OLAH: variants seen among roughly 807,000 people sequenced by gnomAD.
OLAH encodes S-acyl fatty acid synthase thioesterase, medium chain.
Under a neutral mutation model 27.8 loss-of-function variants are expected in OLAH, and 33 were observed. The observed-to-expected ratio is 1.19, with a 90% CI of 0.90 to 1.59. The LOEUF is 1.59. Among genes scored for constraint, OLAH ranks in the 40% most tolerant of loss-of-function variants. The probability of loss-of-function intolerance (pLI) is 0.00; values close to 1 mark genes in which losing one functional copy is unlikely to be tolerated. For missense variants in OLAH, 359 were observed against 310.8 expected (o/e 1.16, Z -1.17); for synonymous variants, 120 against 102.9 (o/e 1.17, Z -1.01).
chr10:15,058,937 T>TC (rs1844300292), intron 3 of OLAH, among the ~76,000 whole-genome samples: 4 of 116,388 alleles, frequency 3.4e-5, no homozygotes, highest in Admixed American at 8.6e-5. Context: ...CCTCCTTCCC[T>TC]CTCTCCTTCC....
rs550637913 is a variant in OLAH, at chr10:15,049,269, G to A, written c.33-366G>A. Among the ~76,000 whole-genome samples, 3 of 152,052 alleles carry A rather than the reference G, an allele frequency of 2.0e-5. No individual in the cohort carries two copies. In the East Asian group the frequency reaches 5.8e-4, roughly 30 times the overall value. On this transcript the variant is annotated intron_variant, in intron 2 of 7. Transcript: ENST00000378228. ...CTGCCTCTGCCTCCCAAGTAGCTAG[G>A]ATCATAGGTGTGTACCACTATGCCA...
rs1346072659 is a variant in OLAH at position 15,071,826 on chromosome 10, T to C, written c.604T>C (p.Cys202Arg). 1.9e-6 allele frequency: 3 copies of C among 1,613,612 alleles called. No individual in the cohort carries two copies. Among genetic ancestry groups the C allele is most frequent in the Non-Finnish European group, 8.5e-7 (1 of 1,179,590 alleles). The change falls in exon 7 of 8, where the codon TGT becomes CGT. Residue 202 changes from cysteine to arginine, a missense_variant. Transcript: ENST00000378228. Reference protein sequence around the residue: ...SNVPSKAVLSCDLTCFVGSED... With the variant: ...SNVPSKAVLSRDLTCFVGSED... Reference sequence around the variant, plus strand: ...CGTACCATCTAAGGCTGTTCTTTCCTGTGACTTGACATGTTTTGTTGGATC... The same window carrying C: ...CGTACCATCTAAGGCTGTTCTTTCCCGTGACTTGACATGTTTTGTTGGATC...
In OLAH at chr10:15,071,451, G is replaced by T. The variant is rs912786125; in HGVS notation, c.573-344G>T. The T allele has an allele frequency of 8.9e-6, 8 of 901,938 alleles. No individual in the cohort carries two copies. The South Asian group carries it at 2.5e-4, about 29-fold the overall frequency. 55.9% of individuals were successfully genotyped at this position (901,938 alleles called of 1,614,324 possible). A position where few individuals can be genotyped will look rare whatever the true frequency, so the allele number is the denominator to read the frequency against. ...GAGGTTCTGTGCAGAGCAACCCTCT[G>T]CTGGGCCAAGGAGAGCTAAGAGTTA... On this transcript the variant is annotated intron_variant, in intron 6 of 7. Transcript: ENST00000378228.
In OLAH at chr10:15,065,643, T is replaced by C. The variant is rs760214710; in HGVS notation, c.462T>C (p.His154=). 2.4e-5 allele frequency: 39 copies of C among 1,613,838 alleles called. No individual in the cohort carries two copies. The highest frequency in any genetic ancestry group is 1.0e-4 in the Admixed American group (6 of 59,930). ...AATTGTCAGAAGAACAAATAAGTCA[T>C]TACCTTATGGAATTTGGAGGCACCC... ...DDELSEEQIS[H]YLMEFGGTPK... Residue 154 remains histidine, a synonymous_variant, in exon 6 of 8, where the codon CAT becomes CAC. Transcript: ENST00000378228.
At chr10:15,050,679 T>C (rs2131348336) in intron 3 of OLAH, among the ~76,000 whole-genome samples, 1 of 151,852 alleles carries the variant, frequency 6.6e-6, no homozygotes, top group East Asian at 2.0e-4. Context: ...TAGCTGGAAC[T>C]ACAGGCGCCT....
intron 6 of OLAH, among the ~76,000 whole-genome samples, chr10:15,069,172 C>G (rs535184228): frequency 1.3e-5 from 2 of 152,270 alleles, no homozygotes; most frequent in African/African-American, 4.8e-5. Context: ...GTGAGTGGGG[C>G]TTTCTCAGCA....
At chr10:15,056,507 A>G (rs543907546) in intron 3 of OLAH, among the ~76,000 whole-genome samples, 129 of 152,302 alleles carry the variant, frequency 8.5e-4, no homozygotes, top group African/African-American at 3.1e-3. Context: ...CTAACTTTAC[A>G]TTGATTAACC....
intron 5 of OLAH, 116 bp downstream of exon 5, chr10:15,064,618 G>T: frequency 1.6e-6 from 1 of 607,244 alleles, no homozygotes; most frequent in Non-Finnish European, 2.8e-6. Context: ...ATGATGGTGG[G>T]GATACTAATA....
chr10:15,049,771 T>G lies in OLAH; in HGVS notation c.163+6T>G. 2 of 1,600,908 alleles carry G rather than the reference T, an allele frequency of 1.2e-6. No homozygotes were observed. Among genetic ancestry groups the G allele is most frequent in the South Asian group, 2.3e-5 (2 of 87,462 alleles). The stretch of plus-strand genomic sequence containing the variant: ...TACTCATGATTTGCTGGAAGGTATG[T>G]TAATTTTTAACATCATTTAAGCAAT... On this transcript the variant is annotated splice_donor_region_variant and intron_variant, in intron 3 of 7. Transcript: ENST00000378228.
At chr10:15,061,436 CA>C (rs1177870310) in intron 3 of OLAH, among the ~76,000 whole-genome samples, 2 of 151,846 alleles carry the variant, frequency 1.3e-5, no homozygotes, top group African/African-American at 2.4e-5. Context: ...TTGGGGTAAG[CA>C]TTTCATCAGC....
chr10:15,033,256 T>A (rs1843787621), intron 1 of OLAH, among the ~76,000 whole-genome samples: 2 of 152,168 alleles, frequency 1.3e-5, no homozygotes, highest in Admixed American at 6.5e-5. Context: ...TAGAAATCCA[T>A]GGTTCCCTAA....
intron 3 of OLAH, among the ~76,000 whole-genome samples, chr10:15,058,206 C>T (rs189586001): frequency 6.6e-6 from 1 of 152,130 alleles, no homozygotes; most frequent in East Asian, 1.9e-4. Flanking sequence ...CCTGCTTCAG[C>T]TTCTTGAGTA....
At chr10:15,066,606 TTTA>T (rs1844472722) in intron 6 of OLAH, among the ~76,000 whole-genome samples, 1 of 8,680 alleles carries the variant, frequency 1.2e-4, no homozygotes, top group African/African-American at 8.9e-4. Context: ...CTATTTTTAT[TTTA>T]TTTATTTATT....
intron 1 of OLAH, among the ~76,000 whole-genome samples, chr10:15,044,231 G>T (rs957251845): frequency 5.7e-4 from 87 of 151,856 alleles, no homozygotes; most frequent in African/African-American, 2.0e-3. Flanking sequence ...CCTTTTCTCA[G>T]TTCTCTTTTT....
upstream of OLAH, among the ~76,000 whole-genome samples, chr10:15,042,643 T>C (rs1843939948): frequency 6.6e-6 from 1 of 152,168 alleles, no homozygotes; most frequent in Non-Finnish European, 1.5e-5. Context: ...TCATACTTGC[T>C]TCCTCCCTCT....
chr10:15,054,009 C>T (rs565746551), intron 3 of OLAH, among the ~76,000 whole-genome samples: 3 of 150,534 alleles, frequency 2.0e-5, no homozygotes, highest in Admixed American at 2.0e-4. Flanking sequence ...GGATTATAGG[C>T]GTGAGCCACA....
chr10:15,066,240 CAA>C lies in OLAH; in HGVS notation c.572+503_572+504del, dbSNP rs201236007. On this transcript the variant is annotated intron_variant, in intron 6 of 7. Transcript: ENST00000378228. ...TGGCCAACAGAGTGAGACTCCATCTCAAAAAAAAAAAAAAAAAGTCTAGCATG... is the reference window on the plus strand; with the variant it reads ...TGGCCAACAGAGTGAGACTCCATCTCAAAAAAAAAAAAAAAGTCTAGCATG... Among the ~76,000 whole-genome samples, 525 of 92,818 alleles carry C rather than the reference CAA, an allele frequency of 5.7e-3. 1 individual carries two copies. The highest frequency in any genetic ancestry group is 0.016 in the African/African-American group (428 of 27,478). 60.9% of individuals were successfully genotyped at this position (92,818 alleles called of 152,430 possible).
In OLAH at chr10:15,047,127, G is replaced by T; in HGVS notation, c.-162G>T. ...TCTGACCTTCTTTATTTTTAACAGG[G>T]ATTGGAGAGGTCAATAAGAGTCAGC... On this transcript the variant is annotated splice_region_variant and 5_prime_UTR_variant, in exon 2 of 8. Coordinates refer to ENST00000378228, the MANE Select transcript of OLAH (RefSeq NM_001039702.3). The T allele has an allele frequency of 3.7e-6, 2 of 545,974 alleles. No individual in the cohort carries two copies. The highest frequency in any genetic ancestry group is 1.9e-5 in the African/African-American group (1 of 52,538). The allele number at this position is 545,974 out of a possible 1,614,324, so 33.8% of individuals were successfully genotyped here.
intron 1 of OLAH, among the ~76,000 whole-genome samples, chr10:15,037,318 C>T (rs1843855484): frequency 6.6e-6 from 1 of 152,144 alleles, no homozygotes; most frequent in Admixed American, 6.6e-5. Flanking sequence ...CAGTGGCTCA[C>T]GCCTATAATC....
Sources: gnomAD v4.1 joint callset for allele counts (sites outside exome capture counted in the v4.1 genomes callset) on GRCh38, gnomAD v4.1.1 for gene constraint, MANE v1.5 for transcripts, NCBI Gene and HGNC (gene_info 2026-07-23, HGNC 2026-07-21) for gene names.